PDE8B: variants seen among roughly 807,000 people sequenced by gnomAD.
PDE8B encodes the protein phosphodiesterase 8B.
In PDE8B, 26 loss-of-function variants were observed where a neutral mutation model predicts 101.3. The ratio of observed to expected loss-of-function variants is 0.26; its 90% CI spans 0.19 to 0.36. PDE8B has a LOEUF of 0.36. Among genes scored for constraint, PDE8B ranks in the 10% least tolerant of loss-of-function variants. PDE8B has a pLI of 1.00. For synonymous variants in PDE8B, 424 were observed against 429.3 expected (o/e 0.99, Z 0.15); for missense variants, 810 against 1,163.1 (o/e 0.70, Z 4.42).
the PDE8B span, among the ~76,000 whole-genome samples, chr5:77,092,693 C>T: frequency 8.5e-5 from 13 of 152,102 alleles, no homozygotes; most frequent in South Asian, 4.2e-4. Context: ...CCAAAGCAGG[C>T]GGATTACTTG....
In PDE8B at chr5:77,393,589, A is replaced by G. The variant is rs142346741; in HGVS notation, c.1168-6659A>G. Among the ~76,000 whole-genome samples the G allele has an allele frequency of 1.7e-3, 262 of 152,322 alleles. 4 individuals are homozygous for G. Among genetic ancestry groups the G allele is most frequent in the African/African-American group, 6.1e-3 (254 of 41,562 alleles). On this transcript the variant is annotated intron_variant, in intron 10 of 21. Transcript: ENST00000264917. ...TAGTTGCAAAATAAATTTTAGTCTC[A>G]CTATACTTGGCCTAATTATTTGCTT...
chr5:77,181,134 G>C, the PDE8B span, among the ~76,000 whole-genome samples: 1 of 150,108 alleles, frequency 6.7e-6, no homozygotes, highest in African/African-American at 2.5e-5. Flanking sequence ...AAGTTCTAGG[G>C]ACAACGCTAG....
chr5:77,423,935 C>T (rs1461164277), intron 20 of PDE8B, among the ~76,000 whole-genome samples: 1 of 151,156 alleles, frequency 6.6e-6, no homozygotes, highest in African/African-American at 2.5e-5. Context: ...CCGCACCCAG[C>T]CTGGACATTT....
the PDE8B span, among the ~76,000 whole-genome samples, chr5:77,176,716 A>C: frequency 1.3e-5 from 2 of 152,172 alleles, no homozygotes; most frequent in Admixed American, 6.5e-5. Flanking sequence ...AGCAAGGGAG[A>C]AGAAGGAAAG....
At chr5:77,154,481 T>C in the PDE8B span, among the ~76,000 whole-genome samples, 1 of 152,196 alleles carries the variant, frequency 6.6e-6, no homozygotes, top group Non-Finnish European at 1.5e-5. Context: ...CCTAAGATCA[T>C]GCAGAGGCCC....
intron 1 of PDE8B, among the ~76,000 whole-genome samples, chr5:77,289,439 C>T (rs914733411): frequency 2.0e-5 from 3 of 152,182 alleles, no homozygotes; most frequent in Admixed American, 2.0e-4. Context: ...TAAATCATTT[C>T]CCACATCTTA....
intron 1 of PDE8B, among the ~76,000 whole-genome samples, chr5:77,242,700 C>G (rs949614558): frequency 6.6e-6 from 1 of 152,164 alleles, no homozygotes; most frequent in African/African-American, 2.4e-5. Context: ...GAGGCGGAGT[C>G]TCCCTCTGTC....
intron 10 of PDE8B, among the ~76,000 whole-genome samples, chr5:77,358,628 T>C (rs1484155632): frequency 1.3e-5 from 2 of 152,262 alleles, no homozygotes; most frequent in Admixed American, 1.3e-4. Context: ...TCCCGAATTC[T>C]TATTCCATGT....
chr5:77,194,885 G>C, the PDE8B span, among the ~76,000 whole-genome samples: 1 of 152,272 alleles, frequency 6.6e-6, no homozygotes, highest in Admixed American at 6.5e-5. Context: ...ATTGTAAATA[G>C]TGCTGCTATT....
At chr5:77,425,934 T>C (rs1797995512) in intron 21 of PDE8B, 38 bp downstream of exon 21, 4 of 1,593,102 alleles carry the variant, frequency 2.5e-6, no homozygotes, top group Non-Finnish European at 3.4e-6. Flanking sequence ...AAGAAAATTG[T>C]TATACTTTAC....
chr5:77,108,409 G>A, the PDE8B span, among the ~76,000 whole-genome samples: 2 of 152,132 alleles, frequency 1.3e-5, no homozygotes, highest in South Asian at 2.1e-4. Context: ...TGCAGGCCAG[G>A]CACATGGCTC....
intron 11 of PDE8B, among the ~76,000 whole-genome samples, chr5:77,401,788 CAATG>C (rs1296466577): frequency 6.6e-6 from 1 of 152,032 alleles, no homozygotes; most frequent in African/African-American, 2.4e-5. Flanking sequence ...GAAAGAATGA[CAATG>C]AATTCTTTAA....
chr5:77,113,583 C>T, the PDE8B span: 2 of 152,184 alleles, frequency 1.3e-5, no homozygotes, highest in African/African-American at 4.8e-5. Context: ...TAGGCAATAC[C>T]ATTTAGGACG....
intron 6 of PDE8B, among the ~76,000 whole-genome samples, chr5:77,343,563 A>G (rs377582769): frequency 1.3e-5 from 2 of 152,194 alleles, no homozygotes; most frequent in Admixed American, 6.6e-5. Context: ...CAGGACTGGG[A>G]GTTGCTCTGG....
chr5:77,129,743 G>T, the PDE8B span, among the ~76,000 whole-genome samples: 226 of 152,300 alleles, frequency 1.5e-3, no homozygotes, highest in African/African-American at 5.0e-3. Flanking sequence ...TGCGGTCCAT[G>T]ACCTTCACAC....
intron 1 of PDE8B, among the ~76,000 whole-genome samples, chr5:77,294,228 A>T (rs1768026428): frequency 1.3e-5 from 2 of 152,240 alleles, no homozygotes; most frequent in Non-Finnish European, 2.9e-5. Flanking sequence ...AAACTAAAAA[A>T]TATGAGCAGT....
chr5:77,127,089 C>A, the PDE8B span, among the ~76,000 whole-genome samples: 1 of 152,186 alleles, frequency 6.6e-6, no homozygotes, highest in Middle Eastern at 3.2e-3. Flanking sequence ...CACTCACCCA[C>A]CCTAGTGCAA....
intron 12 of PDE8B, among the ~76,000 whole-genome samples, chr5:77,406,141 C>G (rs1306000720): frequency 6.6e-6 from 1 of 152,110 alleles, no homozygotes; most frequent in Non-Finnish European, 1.5e-5. Context: ...ACAAAATTAG[C>G]TGGGTGTGAT....
Position 77,413,379 on chromosome 5 carries a change from A to G in PDE8B, c.1911+70A>G, listed in dbSNP as rs147214140. On this transcript the variant is annotated intron_variant, in intron 17 of 21. Transcript: ENST00000264917. ...ATCCAAGAACTTAATCTTAGTAAAT[A>G]CATTAGGCAAACAGCTATTTTGCAA... 26 of 1,367,790 alleles carry G rather than the reference A, an allele frequency of 1.9e-5. No individual in the cohort carries two copies. The African/African-American group carries it at 2.7e-4, about 14-fold the overall frequency. The allele number at this position is 1,367,790 out of a possible 1,614,324, so 84.7% of individuals were successfully genotyped here.
Sources: gnomAD v4.1 joint callset for allele counts (sites outside exome capture counted in the v4.1 genomes callset) on GRCh38, gnomAD v4.1.1 for gene constraint, MANE v1.5 for transcripts, NCBI Gene and HGNC (gene_info 2026-07-23, HGNC 2026-07-21) for gene names.